Variants in TEX2 observed in about 807,000 individuals in gnomAD.
The protein encoded by TEX2 is testis expressed 2.
TEX2 carries 53 observed loss-of-function variants against 106.9 expected under a neutral mutation model. The ratio of observed to expected loss-of-function variants is 0.50; its 90% CI spans 0.40 to 0.62. The LOEUF (loss-of-function observed/expected upper bound fraction) is 0.62. TEX2 is among the 20% of genes least tolerant of loss of function. The pLI, the probability that TEX2 is intolerant of heterozygous loss-of-function variation, is 0.00. For missense variants in TEX2, 1,207 were observed against 1,379.0 expected, an observed-to-expected ratio of 0.88 and a Z score of 1.98; for synonymous variants, 523 against 534.8, an observed-to-expected ratio of 0.98 and a Z score of 0.30.
At position 64,217,852 on chromosome 17, in the gene TEX2, C is replaced by T. The variant is rs1398561732; in HGVS notation, c.-25-3610G>A. 6.6e-6 allele frequency among the ~76,000 whole-genome samples: 1 copy of T among 152,190 alleles called. No individual in the cohort carries two copies. Among genetic ancestry groups the T allele is most frequent in the African/African-American group, 2.4e-5 (1 of 41,446 alleles). On this transcript the variant is annotated intron_variant, in intron 1 of 11. Coordinates refer to ENST00000584379, the MANE Select transcript of TEX2 (RefSeq NM_001288732.2). This position sits in a 1 kb window ranked among gnomAD's most constrained non-coding sequence, Gnocchi z 4.3. ...CTTGTGATGGGAAGGAGAGCTGTAG[C>T]TCATGTTGTCGCCAGGCTCCCATAG...
chr17:64,237,280 G>C (rs539740998), intron 1 of TEX2, among the ~76,000 whole-genome samples: 1 of 152,020 alleles, frequency 6.6e-6, no homozygotes, highest in Non-Finnish European at 1.5e-5. Context: ...CAGCTTCTCG[G>C]GGGTGAGTAT....
At chr17:64,186,904 G>A (rs559821759) in intron 5 of TEX2, among the ~76,000 whole-genome samples, 1 of 152,330 alleles carries the variant, frequency 6.6e-6, no homozygotes, top group South Asian at 2.1e-4. Context: ...TCTGAAGAGT[G>A]TGCAAAGTAG....
Position 64,213,670 on chromosome 17 carries a change from G to C in TEX2, c.548C>G (p.Ser183Cys). ...AAGGCTCATGAAGGGTTTTGCACTGGAAAGGGTGGAGGTTGAGGCACTGGA... is the reference window on the plus strand; with the variant it reads ...AAGGCTCATGAAGGGTTTTGCACTGCAAAGGGTGGAGGTTGAGGCACTGGA... ...LSSSASTSTL[S>C]SAKPFMSLVK... Residue 183 changes from serine to cysteine, a missense_variant, in exon 2 of 12, where the codon TCC becomes TGC. Around this residue, in one of 3 missense-constraint regions of TEX2, gnomAD observed 1,067 missense variants for 1,193.6 expected, o/e 0.89. Coordinates refer to ENST00000584379, the MANE Select transcript of TEX2 (RefSeq NM_001288732.2). This position sits in a 1 kb window ranked among gnomAD's most constrained non-coding sequence, Gnocchi z 4.4. The C allele has an allele frequency of 1.9e-6, 3 of 1,614,204 alleles. No homozygotes were observed. Among genetic ancestry groups the C allele is most frequent in the Non-Finnish European group, 2.5e-6 (3 of 1,180,038 alleles).
intron 7 of TEX2, among the ~76,000 whole-genome samples, chr17:64,164,266 C>T (rs1056588143): frequency 5.3e-5 from 8 of 151,982 alleles, no homozygotes; most frequent in Admixed American, 3.9e-4. Flanking sequence ...GGTGAAACCT[C>T]GTCTCTACTA....
chr17:64,228,738 C>T (rs2033579018), intron 1 of TEX2, among the ~76,000 whole-genome samples: 1 of 152,088 alleles, frequency 6.6e-6, no homozygotes. Flanking sequence ...ATTGGGGACC[C>T]CTGGTTTAGA....
intron 2 of TEX2, among the ~76,000 whole-genome samples, chr17:64,200,239 A>G (rs1212666626): frequency 1.3e-5 from 2 of 152,220 alleles, no homozygotes; most frequent in Admixed American, 1.3e-4. Context: ...CAAGACATAC[A>G]GGCATGTGTG....
rs537252844 is a variant in TEX2 at position 64,217,622 on chromosome 17, C to T, written c.-25-3380G>A. Reference sequence around the variant, plus strand: ...ATGAAAGGTCTCATTATCCATCTGACAATCTGGTACCATATAAAATGGCTA... The same window carrying T: ...ATGAAAGGTCTCATTATCCATCTGATAATCTGGTACCATATAAAATGGCTA... On this transcript the variant is annotated intron_variant, in intron 1 of 11. Transcript: ENST00000584379. This position sits in a 1 kb window ranked among gnomAD's most constrained non-coding sequence, Gnocchi z 4.3. Among the ~76,000 whole-genome samples, 4 of 152,320 alleles carry T rather than the reference C, an allele frequency of 2.6e-5. No homozygotes were observed. Among genetic ancestry groups the T allele is most frequent in the African/African-American group, 9.6e-5 (4 of 41,568 alleles).
intron 1 of TEX2, among the ~76,000 whole-genome samples, chr17:64,227,569 T>C (rs2033541834): frequency 6.6e-6 from 1 of 152,190 alleles, no homozygotes; most frequent in African/African-American, 2.4e-5. Flanking sequence ...CCCTAGCCAA[T>C]CCTCCGTGCC....
At chr17:64,234,358 C>A (rs371332649) in intron 1 of TEX2, among the ~76,000 whole-genome samples, 1 of 152,182 alleles carries the variant, frequency 6.6e-6, no homozygotes, top group African/African-American at 2.4e-5. Flanking sequence ...ACAGCAGTAT[C>A]CTGTCTTTCC....
At chr17:64,182,351 G>A (rs2031910774) in intron 5 of TEX2, among the ~76,000 whole-genome samples, 1 of 152,148 alleles carries the variant, frequency 6.6e-6, no homozygotes, top group Non-Finnish European at 1.5e-5. Flanking sequence ...TGTTTAATGA[G>A]TATAGAGTTT....
rs1326043212 is a variant in TEX2, at chr17:64,217,038, C to G, written c.-25-2796G>C. On this transcript the variant is annotated intron_variant, in intron 1 of 11. Transcript: ENST00000584379. This position sits in a 1 kb window ranked among gnomAD's most constrained non-coding sequence, Gnocchi z 4.3. ...TTTTACTAAAATAAGCCACACGAGG[C>G]CGGAGCATCACTACTGCTCTTTAAA... 2.0e-5 allele frequency among the ~76,000 whole-genome samples: 3 copies of G among 152,162 alleles called. No individual in the cohort carries two copies. The highest frequency in any genetic ancestry group is 4.8e-5 in the African/African-American group (2 of 41,416).
At chr17:64,203,101 CTTT>C (rs2032721899) in intron 2 of TEX2, among the ~76,000 whole-genome samples, 1 of 152,194 alleles carries the variant, frequency 6.6e-6, no homozygotes, top group Non-Finnish European at 1.5e-5. Context: ...TACTACCGTG[CTTT>C]CAGTTACAGT....
chr17:64,241,905 T>C (rs2033895985), intron 1 of TEX2, among the ~76,000 whole-genome samples: 2 of 152,200 alleles, frequency 1.3e-5, no homozygotes, highest in South Asian at 4.1e-4. Flanking sequence ...AGAGCTGGGA[T>C]TACAGGAGTA....
At chr17:64,167,788 C>T (rs1011757146) in intron 7 of TEX2, among the ~76,000 whole-genome samples, 1 of 152,002 alleles carries the variant, frequency 6.6e-6, no homozygotes, top group Non-Finnish European at 1.5e-5. Flanking sequence ...CACTGCACTC[C>T]AGGCTGGACG....
rs1213247869 is a variant in TEX2 at position 64,148,709 on chromosome 17, A to G, written c.*260T>C. On this transcript the variant is annotated 3_prime_UTR_variant, in exon 12 of 12. Transcript: ENST00000584379. ...TTAAAAGCCATGGTGTGGGTCACGT[A>G]TAACTTCTGGATCCACCATGATTCT... 5.2e-5 allele frequency: 22 copies of G among 426,964 alleles called. No individual in the cohort carries two copies. Among genetic ancestry groups the G allele is most frequent in the Non-Finnish European group, 5.4e-5 (13 of 239,184 alleles). 26.4% of individuals were successfully genotyped at this position (426,964 alleles called of 1,614,324 possible).
chr17:64,170,980 CA>C, intron 7 of TEX2, 119 bp downstream of exon 7: 1 of 773,062 alleles, frequency 1.3e-6, no homozygotes, highest in South Asian at 1.7e-5. Flanking sequence ...GAAAGACACT[CA>C]ACATGAAACA....
chr17:64,182,924 A>T (rs574913951), intron 5 of TEX2, among the ~76,000 whole-genome samples: 111 of 140,508 alleles, frequency 7.9e-4, no homozygotes, highest in African/African-American at 1.5e-3. Context: ...TTTTTTTTTT[A>T]AAACAGAGTC....
intron 8 of TEX2, 47 bp from the exon 9 acceptor site, chr17:64,155,014 C>T: frequency 6.6e-7 from 1 of 1,506,126 alleles, no homozygotes; most frequent in South Asian, 1.3e-5. Flanking sequence ...CACCCAAGCT[C>T]TGCTTAGAAA....
chr17:64,185,656 G>C lies in TEX2; in HGVS notation c.2424+2512C>G, dbSNP rs940980307. The stretch of plus-strand genomic sequence containing the variant: ...ATTTCATCAGAGGCCAGGCACAGTG[G>C]CTCACGCTGTAATTCCACCACTTTG... On this transcript the variant is annotated intron_variant, in intron 5 of 11. Coordinates refer to ENST00000584379, the MANE Select transcript of TEX2 (RefSeq NM_001288732.2). This position sits in a 1 kb window ranked among gnomAD's most constrained non-coding sequence, Gnocchi z 4.0. 6.6e-6 allele frequency among the ~76,000 whole-genome samples: 1 copy of C among 152,140 alleles called. No homozygotes were observed. The highest frequency in any genetic ancestry group is 2.4e-5 in the African/African-American group (1 of 41,436).
Sources: allele counts gnomAD v4.1 joint callset (sites outside exome capture counted in the v4.1 genomes callset), GRCh38; gene constraint gnomAD v4.1.1; regional missense constraint gnomAD v4.1.1; non-coding constraint Gnocchi (gnomAD v3.1); transcripts MANE v1.5; gene names NCBI Gene and HGNC (gene_info 2026-07-23, HGNC 2026-07-21).